Variants in TNS3 observed in about 807,000 individuals in gnomAD.
TNS3 encodes the protein tensin 3, also known as tensin-3.
A neutral mutation model predicts 140.9 loss-of-function variants in TNS3; 45 were observed. The observed-to-expected ratio is 0.32, with a 90% CI of 0.25 to 0.41. The LOEUF is 0.41. TNS3 is among the 10% of genes least tolerant of loss of function. The pLI is 1.00. For missense variants in TNS3, 1,716 were observed against 1,906.7 expected (o/e 0.90, Z 1.86); for synonymous variants, 815 against 788.4 (o/e 1.03, Z -0.56).
In TNS3 at chr7:47,275,603, C is replaced by T. The variant is rs1291088548; in HGVS notation, c.*2473G>A. ...TCTCACGGTTTCTGAGCCCACAGTA[C>T]AATCTGTGATGACACACAGCTTGTT... On this transcript the variant is annotated 3_prime_UTR_variant, in exon 31 of 31. Transcript: ENST00000311160. The T allele has an allele frequency of 2.9e-6, 1 of 345,910 alleles. No homozygotes were observed. The highest frequency in any genetic ancestry group is 5.7e-6 in the Non-Finnish European group (1 of 174,884). 21.4% of individuals were successfully genotyped at this position (345,910 alleles called of 1,614,324 possible). A position where few individuals can be genotyped will look rare whatever the true frequency, so the allele number is the denominator to read the frequency against.
rs143693781 is a variant in TNS3, at chr7:47,415,798, G to A, written c.474-592C>T. 4.5e-3 allele frequency among the ~76,000 whole-genome samples: 689 copies of A among 152,380 alleles called. 5 individuals carry two copies. Among genetic ancestry groups the A allele is most frequent in the African/African-American group, 0.016 (670 of 41,594 alleles). On this transcript the variant is annotated intron_variant, in intron 10 of 30. Coordinates refer to ENST00000311160, the MANE Select transcript of TNS3 (RefSeq NM_022748.12). Reference sequence around the variant, plus strand: ...CAGCTCCAAAGGCGAAGGCCATGTGGGCCATCAGCCTTTCTGAGTTCTAGG... The same window carrying A: ...CAGCTCCAAAGGCGAAGGCCATGTGAGCCATCAGCCTTTCTGAGTTCTAGG...
intron 2 of TNS3, among the ~76,000 whole-genome samples, chr7:47,522,728 A>G (rs1472805406): frequency 6.6e-6 from 1 of 152,164 alleles, no homozygotes; most frequent in Admixed American, 6.5e-5. Flanking sequence ...GGAGATCGAG[A>G]CCATCCTGGC....
At chr7:47,448,495 T>G (rs1356605929) in intron 4 of TNS3, among the ~76,000 whole-genome samples, 3 of 120,854 alleles carry the variant, frequency 2.5e-5, no homozygotes, top group Non-Finnish European at 3.8e-5. Context: ...TTTTTTTTTT[T>G]TTGAGACAGA....
intron 17 of TNS3, among the ~76,000 whole-genome samples, chr7:47,347,758 G>A (rs547314498): frequency 2.6e-5 from 4 of 152,272 alleles, no homozygotes; most frequent in South Asian, 4.1e-4. Context: ...CAGATCCAGG[G>A]AAAGAAGGAG....
At chr7:47,536,262 C>T (rs1298642836) in intron 1 of TNS3, among the ~76,000 whole-genome samples, 1 of 151,194 alleles carries the variant, frequency 6.6e-6, no homozygotes, top group East Asian at 1.9e-4. Context: ...TTCAGAAAAA[C>T]AAATGCAATA....
At chr7:47,546,993 C>T (rs1218282157) in intron 1 of TNS3, among the ~76,000 whole-genome samples, 1 of 152,360 alleles carries the variant, frequency 6.6e-6, no homozygotes, top group South Asian at 2.1e-4. Flanking sequence ...CTTTGGAACA[C>T]CCTGAGCTGT....
chr7:47,487,861 C>T (rs1183779580), intron 3 of TNS3, among the ~76,000 whole-genome samples: 2 of 152,102 alleles, frequency 1.3e-5, no homozygotes, highest in African/African-American at 2.4e-5. Flanking sequence ...AAAGAAACTT[C>T]GTGATGGCGC....
intron 13 of TNS3, among the ~76,000 whole-genome samples, chr7:47,405,986 G>C (rs893038627): frequency 1.3e-5 from 2 of 152,014 alleles, no homozygotes; most frequent in Non-Finnish European, 2.9e-5. Context: ...CCTGAGAGCC[G>C]AGACCAGGGA....
At chr7:47,567,030 C>CAAAAAAAAAAAAAA (rs541987899) in intron 1 of TNS3, among the ~76,000 whole-genome samples, 1 of 98,758 alleles carries the variant, frequency 1.0e-5, no homozygotes. Context: ...GACTCCATCT[C>CAAAAAAAAAAAAAA]AAAAAAAAAA....
chr7:47,291,056 C>CT (rs1288540486), intron 27 of TNS3, among the ~76,000 whole-genome samples: 1 of 152,074 alleles, frequency 6.6e-6, no homozygotes, highest in African/African-American at 2.4e-5. Context: ...ATGCATATGA[C>CT]TAAGTGAAAG....
At chr7:47,401,243 G>A (rs1045732216) in intron 13 of TNS3, among the ~76,000 whole-genome samples, 1 of 152,216 alleles carries the variant, frequency 6.6e-6, no homozygotes, top group Admixed American at 6.5e-5. Flanking sequence ...TTCAGACCAC[G>A]TGAATGTGCC....
chr7:47,369,021 C>T lies in TNS3; in HGVS notation c.1625G>A (p.Gly542Asp). 1.2e-6 allele frequency: 2 copies of T among 1,614,042 alleles called. No homozygotes were observed. The highest frequency in any genetic ancestry group is 1.7e-5 in the Admixed American group (1 of 60,028). Residue 542 changes from glycine to aspartate, a missense_variant, in exon 17 of 31, where the codon GGC becomes GAC. Physicochemically the swap from Gly to Asp is moderately conservative, Grantham distance 94 (BLOSUM62 -1). This residue lies in a region of TNS3 where 1,163 missense variants were observed against 1,182.1 expected (regional missense o/e 0.98). Coordinates refer to ENST00000311160, the MANE Select transcript of TNS3 (RefSeq NM_022748.12). ...CTCATAGGGGCCGTCCATGCCAAGG[C>T]CCAGGTCCGGAACGAGGGTGCCCTG... ...DPQGTLVPDL[G>D]LGMDGPYERE... is the part of the protein sequence containing the mutation.
chr7:47,292,954 TTGTGTGC>T, intron 25 of TNS3, 49 bp from the exon 26 acceptor site: 1 of 1,557,264 alleles, frequency 6.4e-7, no homozygotes, highest in Non-Finnish European at 8.8e-7. Context: ...GCTGTAGATG[TTGTGTGC>T]TCAGCCAATT....
intron 4 of TNS3, among the ~76,000 whole-genome samples, chr7:47,466,199 C>A (rs1174577996): frequency 6.6e-6 from 1 of 151,702 alleles, no homozygotes; most frequent in Non-Finnish European, 1.5e-5. Context: ...GTCGCCCAGG[C>A]TGGAGTGCAG....
At chr7:47,322,849 C>T (rs963762948) in intron 20 of TNS3, among the ~76,000 whole-genome samples, 4 of 152,186 alleles carry the variant, frequency 2.6e-5, no homozygotes, top group African/African-American at 4.8e-5. Flanking sequence ...TTCCCTCTTA[C>T]GGAGGCCCTC....
At chr7:47,321,973 A>T (rs1787760842) in intron 20 of TNS3, among the ~76,000 whole-genome samples, 1 of 152,116 alleles carries the variant, frequency 6.6e-6, no homozygotes, top group African/African-American at 2.4e-5. Flanking sequence ...CTGATGATGA[A>T]CATTCACTGA....
chr7:47,380,251 C>T (rs900537716), intron 16 of TNS3, among the ~76,000 whole-genome samples: 17 of 152,238 alleles, frequency 1.1e-4, no homozygotes, highest in African/African-American at 3.9e-4. Context: ...ACCAGCACGC[C>T]GGTGCAGGCT....
At chr7:47,355,458 G>A (rs930800334) in intron 17 of TNS3, among the ~76,000 whole-genome samples, 3 of 152,056 alleles carry the variant, frequency 2.0e-5, no homozygotes, top group South Asian at 4.1e-4. Flanking sequence ...ATGCATCGCC[G>A]TCAGAGCCCT....
At chr7:47,354,047 G>A (rs373852448) in intron 17 of TNS3, among the ~76,000 whole-genome samples, 18 of 147,440 alleles carry the variant, frequency 1.2e-4, no homozygotes, top group African/African-American at 3.0e-4. Context: ...TCCAAGGTAC[G>A]ACAAAGAACT....
Sources: allele counts gnomAD v4.1 joint callset (sites outside exome capture counted in the v4.1 genomes callset), GRCh38; gene constraint gnomAD v4.1.1; regional missense constraint gnomAD v4.1.1; transcripts MANE v1.5; gene names NCBI Gene and HGNC (gene_info 2026-07-23, HGNC 2026-07-21).